Variants in GPHN observed in about 807,000 individuals in gnomAD.
The protein encoded by GPHN is gephyrin.
In GPHN, 17 loss-of-function variants were observed where a neutral mutation model predicts 95.5. The ratio of observed to expected loss-of-function variants is 0.18; its 90% CI spans 0.12 to 0.27. The LOEUF (loss-of-function observed/expected upper bound fraction) is 0.27, where lower values mean the gene tolerates loss of function less well. Among genes scored for constraint, GPHN ranks in the 10% least tolerant of loss-of-function variants. GPHN has a pLI of 1.00. For missense variants in GPHN, 660 were observed against 978.1 expected (o/e 0.67, Z 4.34); for synonymous variants, 320 against 322.5 (o/e 0.99, Z 0.08).
chr14:67,384,390 C>T, the GPHN span: 2 of 150,064 alleles, frequency 1.3e-5, no homozygotes, highest in Admixed American at 1.3e-4. Context: ...TACATGTTTC[C>T]ATCATTTCTG....
the GPHN span, among the ~76,000 whole-genome samples, chr14:67,484,401 T>C: frequency 6.6e-6 from 1 of 152,238 alleles, no homozygotes; most frequent in African/African-American, 2.4e-5. Flanking sequence ...TCTTCCCTCC[T>C]TTCTTGAGAA....
intron 3 of GPHN, among the ~76,000 whole-genome samples, chr14:66,783,869 C>G (rs150406224): frequency 3.3e-5 from 5 of 152,284 alleles, no homozygotes; most frequent in Non-Finnish European, 7.3e-5. Flanking sequence ...GCTGAACATA[C>G]ATGTCCATAA....
At chr14:67,722,822 A>G in the GPHN span, 1 of 945,272 alleles carries the variant, frequency 1.1e-6, no homozygotes, top group Non-Finnish European at 1.7e-6. Context: ...GGAGAAAGTC[A>G]GGGCAGGAAA....
intron 1 of GPHN, among the ~76,000 whole-genome samples, chr14:66,511,115 T>C (rs997171132): frequency 2.6e-5 from 4 of 152,174 alleles, no homozygotes; most frequent in South Asian, 2.1e-4. Context: ...GAAAGAAAAC[T>C]GATTTTTCTC....
At chr14:67,037,718 C>G (rs1033919371) in intron 10 of GPHN, among the ~76,000 whole-genome samples, 9 of 150,648 alleles carry the variant, frequency 6.0e-5, no homozygotes, top group Non-Finnish European at 1.3e-4. Flanking sequence ...CACTAATCAT[C>G]AGGGAAATAC....
At chr14:67,213,752 A>T in the GPHN span, among the ~76,000 whole-genome samples, 1 of 152,212 alleles carries the variant, frequency 6.6e-6, no homozygotes, top group African/African-American at 2.4e-5. Flanking sequence ...TGACTTCCAC[A>T]AGGGTTGAAC....
At chr14:67,656,419 AC>A in the GPHN span, 1 of 1,604,034 alleles carries the variant, frequency 6.2e-7, no homozygotes, top group Non-Finnish European at 8.5e-7. Flanking sequence ...GACTTACTCT[AC>A]TCTTGGTACG....
At chr14:66,743,703 C>T (rs1001598322) in intron 2 of GPHN, among the ~76,000 whole-genome samples, 1 of 152,232 alleles carries the variant, frequency 6.6e-6, no homozygotes, top group Non-Finnish European at 1.5e-5. Flanking sequence ...GATCGCGCCA[C>T]TGCACTCCAG....
chr14:67,095,349 A>G (rs2077317119), intron 12 of GPHN, among the ~76,000 whole-genome samples: 1 of 152,196 alleles, frequency 6.6e-6, no homozygotes, highest in African/African-American at 2.4e-5. Context: ...AACTAGTTCA[A>G]CCACTGTGGA....
At chr14:67,701,527 G>A in the GPHN span, among the ~76,000 whole-genome samples, 3 of 144,292 alleles carry the variant, frequency 2.1e-5, no homozygotes, top group Non-Finnish European at 3.0e-5. Flanking sequence ...AGGTTCAAGT[G>A]ATTCTCCCGC....
chr14:67,674,362 A>G, the GPHN span: 3 of 1,571,524 alleles, frequency 1.9e-6, no homozygotes, highest in Admixed American at 1.8e-5. Flanking sequence ...GGCGTGGCCC[A>G]CCCCCGCCTC....
intron 4 of GPHN, among the ~76,000 whole-genome samples, chr14:66,877,614 A>T (rs990877153): frequency 1.3e-5 from 2 of 152,218 alleles, no homozygotes; most frequent in Non-Finnish European, 2.9e-5. Context: ...GAGCCAAATC[A>T]TGAGTGAACT....
At chr14:67,129,621 G>C (rs1219643428) in intron 17 of GPHN, among the ~76,000 whole-genome samples, 1 of 152,058 alleles carries the variant, frequency 6.6e-6, no homozygotes, top group Non-Finnish European at 1.5e-5. Context: ...AGAAACCTTA[G>C]CCTACCTACA....
At chr14:67,410,178 G>T in the GPHN span, among the ~76,000 whole-genome samples, 47 of 152,212 alleles carry the variant, frequency 3.1e-4, no homozygotes, top group African/African-American at 1.1e-3. Context: ...GGAGCTCTGT[G>T]GCTCTGCCCT....
chr14:67,311,310 CAAAAAAA>C, the GPHN span, among the ~76,000 whole-genome samples: 1 of 63,956 alleles, frequency 1.6e-5, no homozygotes, highest in African/African-American at 4.9e-5. Context: ...GACTCCGTCT[CAAAAAAA>C]AAAAAAAAAA....
chr14:66,759,688 G>T (rs1595811050), intron 2 of GPHN, among the ~76,000 whole-genome samples: 1 of 152,112 alleles, frequency 6.6e-6, no homozygotes, highest in Non-Finnish European at 1.5e-5. Context: ...TTGCAACTCT[G>T]TTACTTTTAA....
At chr14:66,840,646 A>C (rs896116395) in intron 4 of GPHN, among the ~76,000 whole-genome samples, 10 of 148,862 alleles carry the variant, frequency 6.7e-5, no homozygotes, top group Non-Finnish European at 1.0e-4. Flanking sequence ...GATTTCATAT[A>C]TTTCTACGTG....
chr14:67,721,871 G>T, the GPHN span, among the ~76,000 whole-genome samples: 5 of 152,116 alleles, frequency 3.3e-5, no homozygotes, highest in South Asian at 8.3e-4. Flanking sequence ...GCCCAGGGCC[G>T]TGGAGCTTTT....
chr14:67,659,792 G>C, the GPHN span: 1 of 1,613,980 alleles, frequency 6.2e-7, no homozygotes, highest in Non-Finnish European at 8.5e-7. Flanking sequence ...TCCAGGTGTG[G>C]CTGTCAAAGG....
Sources: allele counts gnomAD v4.1 joint callset (sites outside exome capture counted in the v4.1 genomes callset), GRCh38; gene constraint gnomAD v4.1.1; transcripts MANE v1.5; gene names NCBI Gene and HGNC (gene_info 2026-07-23, HGNC 2026-07-21).